COL11A1: variants seen among roughly 807,000 people sequenced by gnomAD.
COL11A1 encodes the protein collagen type XI alpha 1 chain, also known as collagen alpha-1(XI) chain.
Under a neutral mutation model 265.2 loss-of-function variants are expected in COL11A1, and 74 were observed. The observed-to-expected ratio is 0.28, with a 90% CI of 0.23 to 0.34. The LOEUF is 0.34. COL11A1 is among the 10% of genes least tolerant of loss of function. The pLI is 1.00. For missense variants in COL11A1, 2,165 were observed against 2,263.6 expected (o/e 0.96, Z 0.88); for synonymous variants, 816 against 727.6 (o/e 1.12, Z -1.96).
chr1:102,993,325 G>A (rs1664318745), intron 28 of COL11A1, among the ~76,000 whole-genome samples: 1 of 151,954 alleles, frequency 6.6e-6, no homozygotes, highest in Non-Finnish European at 1.5e-5. Flanking sequence ...TTGGTATCTA[G>A]GGGTGATTGG....
intron 63 of COL11A1, 33 bp from the exon 64 acceptor site, chr1:102,883,344 A>G (rs752387950): frequency 7.6e-7 from 1 of 1,320,094 alleles, no homozygotes; most frequent in Non-Finnish European, 1.1e-6. Context: ...TCATATAAAA[A>G]TTCATTGACA....
chr1:103,087,983 G>C (rs567941745), intron 1 of COL11A1, among the ~76,000 whole-genome samples: 1 of 151,966 alleles, frequency 6.6e-6, no homozygotes, highest in African/African-American at 2.4e-5. Flanking sequence ...AATTTTTTTA[G>C]GTCCTAATAT....
At chr1:102,887,101 T>A (rs745770429) in intron 62 of COL11A1, 45 bp from the exon 63 acceptor site, 7 of 1,611,094 alleles carry the variant, frequency 4.3e-6, no homozygotes, top group Admixed American at 1.7e-5. Context: ...TAAAGTGGAA[T>A]ATTCTGCAGA....
chr1:103,014,257 C>A, intron 13 of COL11A1, among the ~76,000 whole-genome samples: 1 of 151,942 alleles, frequency 6.6e-6, no homozygotes, highest in Non-Finnish European at 1.5e-5. Flanking sequence ...AGAAATCTTG[C>A]GTGTTATGGT....
At chr1:102,994,059 T>C (rs907021214) in intron 28 of COL11A1, among the ~76,000 whole-genome samples, 1 of 152,302 alleles carries the variant, frequency 6.6e-6, no homozygotes, top group East Asian at 1.9e-4. Flanking sequence ...TTACTTTTAG[T>C]ATATAACAGT....
At chr1:102,960,200 A>T (rs1660761271) in intron 41 of COL11A1, among the ~76,000 whole-genome samples, 1 of 152,150 alleles carries the variant, frequency 6.6e-6, no homozygotes, top group Non-Finnish European at 1.5e-5. Context: ...AATGGTTGTT[A>T]TATGATGTGA....
intron 35 of COL11A1, 136 bp from the exon 36 acceptor site, chr1:102,975,019 T>C: frequency 2.8e-6 from 2 of 703,876 alleles, no homozygotes; most frequent in Middle Eastern, 3.3e-4. Flanking sequence ...ACTATGGTAA[T>C]ACAACACGAT....
intron 39 of COL11A1, 140 bp from the exon 40 acceptor site, chr1:102,962,405 T>C: frequency 1.3e-6 from 1 of 765,656 alleles, no homozygotes; most frequent in Non-Finnish European, 2.2e-6. Context: ...GAATGCCATA[T>C]GCATTAAAAT....
intron 44 of COL11A1, 108 bp from the exon 45 acceptor site, chr1:102,935,221 G>A: frequency 2.4e-6 from 2 of 825,864 alleles, no homozygotes; most frequent in South Asian, 1.6e-5. Context: ...GCACTCCTTT[G>A]GAAAAAAAGA....
At chr1:102,904,819 A>G (rs1653710741) in intron 54 of COL11A1, among the ~76,000 whole-genome samples, 3 of 152,048 alleles carry the variant, frequency 2.0e-5, no homozygotes, top group Non-Finnish European at 4.4e-5. Context: ...CGGTGTGGCA[A>G]TTCCTCAGGG....
intron 44 of COL11A1, 88 bp downstream of exon 44, chr1:102,938,928 ATAAGTATTGGCTAGGAAAG>A: frequency 2.2e-6 from 2 of 907,976 alleles, no homozygotes; most frequent in Non-Finnish European, 3.7e-6. Flanking sequence ...TATTGGTATT[ATAAGTATTGGCTAGGAAAG>A]TAAGTAGCAC....
intron 49 of COL11A1, among the ~76,000 whole-genome samples, chr1:102,918,847 C>T (rs1655653045): frequency 6.6e-6 from 1 of 152,032 alleles, no homozygotes; most frequent in East Asian, 1.9e-4. Flanking sequence ...GAACTAAACA[C>T]CTGGCATTCA....
At chr1:103,075,191 TCCG>T (rs1671881703) in intron 3 of COL11A1, among the ~76,000 whole-genome samples, 1 of 152,120 alleles carries the variant, frequency 6.6e-6, no homozygotes, top group African/African-American at 2.4e-5. Flanking sequence ...TTAAAAAAAC[TCCG>T]CTCTAGTGAT....
chr1:102,957,758 A>G (rs544245679), intron 41 of COL11A1, among the ~76,000 whole-genome samples: 19 of 152,192 alleles, frequency 1.2e-4, no homozygotes, highest in African/African-American at 4.1e-4. Context: ...GTAAAGTGCT[A>G]TCATGGATAT....
chr1:103,083,240 GTC>G (rs1407857787), intron 1 of COL11A1, among the ~76,000 whole-genome samples: 7 of 76,436 alleles, frequency 9.2e-5, no homozygotes, highest in Non-Finnish European at 1.9e-4. Flanking sequence ...GTGTGTGTGT[GTC>G]TGTGTCTGTG....
In COL11A1 at chr1:103,002,053, A is replaced by G. The variant is rs573430981; in HGVS notation, c.2098-84T>C. 5 of 1,111,892 alleles carry G rather than the reference A, an allele frequency of 4.5e-6. No individual in the cohort carries two copies. The South Asian group carries it at 6.2e-5, about 14-fold the overall frequency. 68.9% of individuals were successfully genotyped at this position (1,111,892 alleles called of 1,614,324 possible). A position where few individuals can be genotyped will look rare whatever the true frequency, so the allele number is the denominator to read the frequency against. On this transcript the variant is annotated intron_variant, in intron 23 of 66. Transcript: ENST00000370096. ...AAACAGCAAATTATTAGCTCACTAT[A>G]GTACACAGTGAGTTATAAGAATCTG...
intron 41 of COL11A1, among the ~76,000 whole-genome samples, chr1:102,956,915 T>A (rs540931472): frequency 2.8e-4 from 42 of 151,756 alleles, no homozygotes; most frequent in Non-Finnish European, 2.9e-4. Flanking sequence ...TTTAAAAAAA[T>A]TTTAAATATT....
chr1:102,982,620 T>C (rs1444938945), intron 31 of COL11A1, among the ~76,000 whole-genome samples: 1 of 152,090 alleles, frequency 6.6e-6, no homozygotes, highest in Non-Finnish European at 1.5e-5. Context: ...AAATTATGCC[T>C]GTATTATTTT....
At chr1:103,012,753 A>G (rs1428536351) in intron 13 of COL11A1, among the ~76,000 whole-genome samples, 2 of 152,306 alleles carry the variant, frequency 1.3e-5, no homozygotes, top group East Asian at 3.9e-4. Flanking sequence ...AGAACAACTA[A>G]TATCTGATAA....
Sources: allele counts gnomAD v4.1 joint callset (sites outside exome capture counted in the v4.1 genomes callset), GRCh38; gene constraint gnomAD v4.1.1; transcripts MANE v1.5; gene names NCBI Gene and HGNC (gene_info 2026-07-23, HGNC 2026-07-21).